MAPK14: variants seen among roughly 807,000 people sequenced by gnomAD.
MAPK14 encodes CSAID-binding protein.
A neutral mutation model predicts 49.6 loss-of-function variants in MAPK14; 16 were observed. The ratio of observed to expected loss-of-function variants is 0.32; its 90% CI spans 0.22 to 0.49. MAPK14 has a LOEUF of 0.49. Ranked by LOEUF, MAPK14 falls within the 20% of genes least tolerant of loss-of-function variation. The pLI is 0.99. For synonymous variants in MAPK14, 142 were observed against 158.0 expected (o/e 0.90, Z 0.76); for missense variants, 200 against 441.2 (o/e 0.45, Z 4.90).
At chr6:36,048,666 G>A (rs1195621008) in intron 1 of MAPK14, among the ~76,000 whole-genome samples, 3 of 152,166 alleles carry the variant, frequency 2.0e-5, no homozygotes, top group African/African-American at 7.2e-5. Context: ...GAGAAATCAA[G>A]GATGACAATC....
the MAPK14 span, among the ~76,000 whole-genome samples, chr6:36,117,890 TA>T: frequency 9.2e-5 from 14 of 152,272 alleles, no homozygotes; most frequent in South Asian, 2.1e-4. Context: ...TGTCAGCTTT[TA>T]ATCCCTTGCA....
intron 1 of MAPK14, among the ~76,000 whole-genome samples, chr6:36,034,498 C>T (rs377188917): frequency 1.0e-3 from 159 of 152,224 alleles, no homozygotes; most frequent in African/African-American, 3.7e-3. Flanking sequence ...CTGATTTGTT[C>T]TTATCTAAGA....
chr6:36,121,233 G>C, the MAPK14 span, among the ~76,000 whole-genome samples: 409 of 152,346 alleles, frequency 2.7e-3, 5 homozygotes, highest in East Asian at 0.013. Flanking sequence ...GGGCCTGTCC[G>C]GATGGGGGCA....
chr6:36,080,527 G>A (rs569680312), intron 8 of MAPK14, among the ~76,000 whole-genome samples: 1 of 152,212 alleles, frequency 6.6e-6, no homozygotes, highest in East Asian at 1.9e-4. Flanking sequence ...CCATGATGTA[G>A]CATGTATCAG....
At chr6:36,068,367 G>T (rs1764141795) in intron 3 of MAPK14, among the ~76,000 whole-genome samples, 1 of 152,104 alleles carries the variant, frequency 6.6e-6, no homozygotes, top group African/African-American at 2.4e-5. Context: ...AAGGAATTTT[G>T]TGTTTTACTC....
rs1011585649 is a variant in MAPK14 at position 36,110,046 on chromosome 6, G to A, written c.*1599G>A. The A allele has an allele frequency of 6.6e-6, 1 of 152,254 alleles. No homozygotes were observed. The highest frequency in any genetic ancestry group is 2.4e-5 in the African/African-American group (1 of 41,446). 9.4% of individuals were successfully genotyped at this position (152,254 alleles called of 1,614,324 possible). A position where few individuals can be genotyped will look rare whatever the true frequency, so the allele number is the denominator to read the frequency against. The stretch of plus-strand genomic sequence containing the variant: ...TATTTTGTATTTTCAACTTTATAAA[G>A]ATAAAATATCCTCAGGGGTGGAGAA... On this transcript the variant is annotated 3_prime_UTR_variant, in exon 12 of 12. Transcript: ENST00000229794.
chr6:36,117,476 T>C, the MAPK14 span, among the ~76,000 whole-genome samples: 1 of 152,180 alleles, frequency 6.6e-6, no homozygotes, highest in Non-Finnish European at 1.5e-5. Flanking sequence ...CTCAGTAAAT[T>C]TCTGACCATT....
At chr6:36,050,429 G>A (rs1253014121) in intron 1 of MAPK14, among the ~76,000 whole-genome samples, 3 of 152,204 alleles carry the variant, frequency 2.0e-5, no homozygotes. Flanking sequence ...TTGTAGGTGG[G>A]GCAGTTTTTG....
At chr6:36,075,085 G>A (rs1230640729) in intron 6 of MAPK14, among the ~76,000 whole-genome samples, 2 of 151,728 alleles carry the variant, frequency 1.3e-5, no homozygotes, top group Non-Finnish European at 2.9e-5. Context: ...ATTTAGTTGG[G>A]CATGGTGGCG....
At chr6:36,073,656 GTTGGAGGTAACT>G (rs939158847) in intron 4 of MAPK14, 23 bp from the exon 5 acceptor site, 1 of 1,574,310 alleles carries the variant, frequency 6.4e-7, no homozygotes, top group African/African-American at 1.4e-5. Flanking sequence ...ACAATAGAAG[GTTGGAGGTAACT>G]TTGACTTTTT....
Position 36,099,698 on chromosome 6 carries a change from A to C in MAPK14, c.763-2873A>C, listed in dbSNP as rs142707529. On this transcript the variant is annotated intron_variant, in intron 9 of 11. Coordinates refer to ENST00000229794, the MANE Select transcript of MAPK14 (RefSeq NM_139012.3). ...GCATTGCTTATTAACCCAGATGCCCACGTGTGTCTTAATTCGGAGGGATGG... is the reference window on the plus strand; with the variant it reads ...GCATTGCTTATTAACCCAGATGCCCCCGTGTGTCTTAATTCGGAGGGATGG... Among the ~76,000 whole-genome samples the C allele has an allele frequency of 2.9e-3, 443 of 152,336 alleles. 3 individuals carry two copies. The highest frequency in any genetic ancestry group is 0.01 in the African/African-American group (417 of 41,578).
the MAPK14 span, among the ~76,000 whole-genome samples, chr6:36,122,644 A>G: frequency 6.6e-6 from 1 of 152,230 alleles, no homozygotes; most frequent in Admixed American, 6.5e-5. Flanking sequence ...GAGGCCAGGT[A>G]AGGCAGGTGA....
In MAPK14 at chr6:36,107,139, C is replaced by A. The variant is rs900591286; in HGVS notation, c.842-316C>A. On this transcript the variant is annotated intron_variant, in intron 10 of 11. Coordinates refer to ENST00000229794, the MANE Select transcript of MAPK14 (RefSeq NM_139012.3). The surrounding 1 kb of genome is among the most constrained non-coding windows in gnomAD (Gnocchi z 4.3). ...GATAACCTATCGGGTACAATGTTCA[C>A]TATTTGGTTAATGGGCACGCTAGAA... Among the ~76,000 whole-genome samples the A allele has an allele frequency of 6.6e-6, 1 of 152,166 alleles. No homozygotes were observed. The highest frequency in any genetic ancestry group is 1.5e-5 in the Non-Finnish European group (1 of 68,038).
downstream of MAPK14, among the ~76,000 whole-genome samples, chr6:36,113,866 C>T (rs1766016695): frequency 6.6e-6 from 1 of 152,176 alleles, no homozygotes; most frequent in Non-Finnish European, 1.5e-5. Context: ...AGAACAGTTG[C>T]TGGAAAGAAA....
chr6:36,115,697 G>A (rs567142190), downstream of MAPK14, among the ~76,000 whole-genome samples: 2 of 152,316 alleles, frequency 1.3e-5, no homozygotes, highest in Non-Finnish European at 2.9e-5. Flanking sequence ...GGAGGCTGAG[G>A]CAAGTGGATC....
At chr6:36,067,047 A>G (rs1220725452) in intron 3 of MAPK14, among the ~76,000 whole-genome samples, 1 of 151,888 alleles carries the variant, frequency 6.6e-6, no homozygotes, top group African/African-American at 2.4e-5. Flanking sequence ...TTTTTTTTTT[A>G]TCAGAGAGGT....
chr6:36,081,668 A>C (rs1764766489), intron 8 of MAPK14, among the ~76,000 whole-genome samples: 1 of 152,160 alleles, frequency 6.6e-6, no homozygotes, highest in African/African-American at 2.4e-5. Flanking sequence ...TGAAATCAGG[A>C]AGTGTGAGTC....
intron 1 of MAPK14, among the ~76,000 whole-genome samples, chr6:36,044,739 A>G (rs1281491715): frequency 6.6e-6 from 1 of 152,028 alleles, no homozygotes; most frequent in Non-Finnish European, 1.5e-5. Flanking sequence ...TAATAAACAA[A>G]AAGCTCATTG....
downstream of MAPK14, among the ~76,000 whole-genome samples, chr6:36,114,352 C>T (rs1440437302): frequency 1.3e-5 from 2 of 151,498 alleles, no homozygotes; most frequent in African/African-American, 4.8e-5. Flanking sequence ...CACGGTGGCT[C>T]ATGCCTGTAA....
Sources: gnomAD v4.1 joint callset for allele counts (sites outside exome capture counted in the v4.1 genomes callset) on GRCh38, gnomAD v4.1.1 for gene constraint, Gnocchi (gnomAD v3.1) non-coding constraint, MANE v1.5 for transcripts, NCBI Gene and HGNC (gene_info 2026-07-23, HGNC 2026-07-21) for gene names.